TAOK1: variants seen among roughly 807,000 people sequenced by gnomAD.
TAOK1 encodes TAO kinase 1.
Under a neutral mutation model 138.3 loss-of-function variants are expected in TAOK1, and 21 were observed. That is an observed-to-expected ratio of 0.15 (90% CI 0.11 to 0.22). The LOEUF is 0.22. Among genes scored for constraint, TAOK1 ranks in the 10% least tolerant of loss-of-function variants. TAOK1 has a pLI of 1.00. For missense variants in TAOK1, 651 were observed against 1,227.7 expected, an observed-to-expected ratio of 0.53 and a Z score of 7.02; for synonymous variants, 361 against 398.4, an observed-to-expected ratio of 0.91 and a Z score of 1.12.
At chr17:29,488,521 A>G (rs1037207365) in intron 8 of TAOK1, among the ~76,000 whole-genome samples, 13 of 126,726 alleles carry the variant, frequency 1.0e-4, no homozygotes, top group African/African-American at 3.5e-4. Context: ...GTGGTGAGCC[A>G]AGATCGTGCC....
At chr17:29,490,211 A>T (rs1188504856) in intron 9 of TAOK1, among the ~76,000 whole-genome samples, 1 of 152,112 alleles carries the variant, frequency 6.6e-6, no homozygotes, top group East Asian at 1.9e-4. Context: ...CCAGGTAATT[A>T]AAAATATTGG....
intron 1 of TAOK1, among the ~76,000 whole-genome samples, chr17:29,435,951 A>C (rs936514945): frequency 1.3e-5 from 2 of 152,146 alleles, no homozygotes; most frequent in Non-Finnish European, 2.9e-5. Flanking sequence ...CAACATGGTG[A>C]AACCCCATCT....
intron 1 of TAOK1, among the ~76,000 whole-genome samples, chr17:29,400,401 A>C (rs1342922344): frequency 4.0e-5 from 6 of 151,750 alleles, no homozygotes; most frequent in Non-Finnish European, 7.4e-5. Flanking sequence ...AAAAAAAAAA[A>C]AAAAAAACAA....
rs1171290492 is a variant in TAOK1 at position 29,424,614 on chromosome 17, G to T, written c.-94-26841G>T. 3 of 151,984 alleles carry T rather than the reference G, an allele frequency of 2.0e-5. No individual in the cohort carries two copies. The East Asian group carries it at 5.8e-4, about 29-fold the overall frequency. 9.4% of individuals were successfully genotyped at this position (151,984 alleles called of 1,614,324 possible). A position where few individuals can be genotyped will look rare whatever the true frequency, so the allele number is the denominator to read the frequency against. ...AAGTTGTGCTTATCAGAAAAAAGGA[G>T]GTCAATAGTAGGAGATGCCTATTTT... On this transcript the variant is annotated intron_variant, in intron 1 of 19. Transcript: ENST00000261716.
At chr17:29,428,209 G>A (rs1278933843) in intron 1 of TAOK1, among the ~76,000 whole-genome samples, 1 of 152,114 alleles carries the variant, frequency 6.6e-6, no homozygotes, top group Non-Finnish European at 1.5e-5. Context: ...GGAAATCTAA[G>A]ACCATTACTA....
intron 11 of TAOK1, among the ~76,000 whole-genome samples, chr17:29,497,882 G>T (rs533949): frequency 1.3e-5 from 2 of 151,414 alleles, no homozygotes; most frequent in African/African-American, 4.9e-5. Flanking sequence ...GCAGGGCTAC[G>T]CCGTAGGCAC....
chr17:29,415,767 A>G (rs1025284072), intron 1 of TAOK1, among the ~76,000 whole-genome samples: 2 of 152,232 alleles, frequency 1.3e-5, no homozygotes, highest in African/African-American at 4.8e-5. Context: ...CAAATATAAA[A>G]TACTGTGGTA....
At chr17:29,478,659 TTTTC>T (rs2030994998) in intron 6 of TAOK1, among the ~76,000 whole-genome samples, 1 of 152,158 alleles carries the variant, frequency 6.6e-6, no homozygotes, top group South Asian at 2.1e-4. Context: ...ATCATACAGT[TTTTC>T]TTTCTCATTT....
intron 15 of TAOK1, among the ~76,000 whole-genome samples, chr17:29,515,699 C>A (rs986575808): frequency 2.0e-5 from 3 of 151,650 alleles, no homozygotes; most frequent in Non-Finnish European, 2.9e-5. Flanking sequence ...GCTGGGCATG[C>A]TGGCAGATGC....
Position 29,428,654 on chromosome 17 carries a change from G to A in TAOK1, c.-94-22801G>A, listed in dbSNP as rs529050496. ...AGTTATATATATATTTTTATTTTTT[G>A]AGACAAGATCTGGCTGTTACTCAGG... On this transcript the variant is annotated intron_variant, in intron 1 of 19. Coordinates refer to ENST00000261716, the MANE Select transcript of TAOK1 (RefSeq NM_020791.4). Among the ~76,000 whole-genome samples the A allele has an allele frequency of 2.6e-5, 4 of 152,096 alleles. No homozygotes were observed. In the South Asian group the frequency reaches 6.2e-4, roughly 24 times the overall value.
intron 17 of TAOK1, among the ~76,000 whole-genome samples, chr17:29,529,318 A>G (rs1319040948): frequency 1.3e-5 from 2 of 152,210 alleles, no homozygotes; most frequent in African/African-American, 4.8e-5. Context: ...AGCCAGGTAC[A>G]GTGGCTCATG....
At chr17:29,399,904 TTA>T (rs2153020001) in intron 1 of TAOK1, among the ~76,000 whole-genome samples, 1 of 152,104 alleles carries the variant, frequency 6.6e-6, no homozygotes, top group South Asian at 2.1e-4. Flanking sequence ...TAATTTTTTT[TTA>T]TTTTTAGTAC....
At chr17:29,398,860 T>C (rs1904745735) in intron 1 of TAOK1, among the ~76,000 whole-genome samples, 1 of 152,118 alleles carries the variant, frequency 6.6e-6, no homozygotes, top group African/African-American at 2.4e-5. Context: ...TATACTGGGT[T>C]GTTTAAATAG....
intron 15 of TAOK1, among the ~76,000 whole-genome samples, chr17:29,517,010 A>G (rs1173699538): frequency 6.7e-6 from 1 of 148,222 alleles, no homozygotes; most frequent in Non-Finnish European, 1.5e-5. Context: ...TTTTTGAGAC[A>G]GAGTCTCGCT....
chr17:29,411,218 A>C (rs1230570932), intron 1 of TAOK1, among the ~76,000 whole-genome samples: 1 of 146,656 alleles, frequency 6.8e-6, no homozygotes, highest in African/African-American at 2.5e-5. Flanking sequence ...CAGCCTCCCA[A>C]GTAGCTGGGA....
intron 19 of TAOK1, among the ~76,000 whole-genome samples, chr17:29,539,323 C>T (rs906864995): frequency 2.0e-5 from 3 of 152,078 alleles, no homozygotes; most frequent in Non-Finnish European, 2.9e-5. Context: ...GAGGCCGGAT[C>T]GCTTGAGATC....
intron 1 of TAOK1, among the ~76,000 whole-genome samples, chr17:29,423,224 CT>C (rs200888309): frequency 6.1e-4 from 69 of 112,698 alleles, no homozygotes; most frequent in Admixed American, 9.5e-4. Flanking sequence ...TTCTTCTTTT[CT>C]TTTTTTTTTT....
chr17:29,464,398 C>T (rs916676914), intron 2 of TAOK1, among the ~76,000 whole-genome samples: 8 of 149,050 alleles, frequency 5.4e-5, no homozygotes, highest in South Asian at 2.1e-4. Context: ...GAGCCAAGAT[C>T]GCAGCGCTGC....
At chr17:29,539,173 G>A (rs1157381861) in intron 19 of TAOK1, among the ~76,000 whole-genome samples, 2 of 152,176 alleles carry the variant, frequency 1.3e-5, no homozygotes, top group Non-Finnish European at 2.9e-5. Flanking sequence ...GAGGTGTGGA[G>A]GATTGCTTGA....
Sources: allele counts gnomAD v4.1 joint callset (sites outside exome capture counted in the v4.1 genomes callset), GRCh38; gene constraint gnomAD v4.1.1; transcripts MANE v1.5; gene names NCBI Gene and HGNC (gene_info 2026-07-23, HGNC 2026-07-21).